The following ISM1 variants were observed in gnomAD, a reference collection of about 807,000 sequenced individuals.
ISM1 encodes isthmin 1.
In ISM1, 25 loss-of-function variants were observed where a neutral mutation model predicts 46.3. That is an observed-to-expected ratio of 0.54 (90% CI 0.39 to 0.75). The LOEUF (loss-of-function observed/expected upper bound fraction) is 0.75, where lower values mean the gene tolerates loss of function less well. Ranked by LOEUF, ISM1 falls within the 30% of genes least tolerant of loss-of-function variation. ISM1 has a pLI of 0.00. For synonymous variants in ISM1, 255 were observed against 256.7 expected, an observed-to-expected ratio of 0.99 and a Z score of 0.06; for missense variants, 536 against 625.4, an observed-to-expected ratio of 0.86 and a Z score of 1.52.
rs562875951 is a variant in ISM1 at position 13,258,655 on chromosome 20, T to G, written c.139-11849T>G. Among the ~76,000 whole-genome samples, 7 of 152,280 alleles carry G rather than the reference T, an allele frequency of 4.6e-5. No individual in the cohort carries two copies. The East Asian group carries it at 1.2e-3, about 25-fold the overall frequency. ...TGATTCTCTTTTCTCGAACCTCAGT[T>G]AACTGAGGTTCTCATGGTAGAATTC... On this transcript the variant is annotated intron_variant, in intron 1 of 5. Coordinates refer to ENST00000262487, the MANE Select transcript of ISM1 (RefSeq NM_080826.2).
chr20:13,297,330 G>T (rs913383128), intron 5 of ISM1, among the ~76,000 whole-genome samples: 14 of 152,186 alleles, frequency 9.2e-5, no homozygotes, highest in Admixed American at 7.9e-4. Context: ...CGGTTTCCCA[G>T]ATCCCAGTGG....
chr20:13,308,458 T>C, the ISM1 span, among the ~76,000 whole-genome samples: 2 of 152,190 alleles, frequency 1.3e-5, no homozygotes, highest in African/African-American at 4.8e-5. Context: ...GTGTTATGAA[T>C]TGAACAGTAC....
intron 2 of ISM1, among the ~76,000 whole-genome samples, chr20:13,274,933 G>A (rs2040161017): frequency 6.6e-6 from 1 of 152,028 alleles, no homozygotes; most frequent in Non-Finnish European, 1.5e-5. Flanking sequence ...TAAGAGGTTG[G>A]GTTTTATCAA....
At chr20:13,278,287 A>G (rs1274923596) in intron 2 of ISM1, among the ~76,000 whole-genome samples, 1 of 152,188 alleles carries the variant, frequency 6.6e-6, no homozygotes, top group Non-Finnish European at 1.5e-5. Flanking sequence ...ATCTGAGAAC[A>G]AGTTCTAGCT....
intron 3 of ISM1, among the ~76,000 whole-genome samples, chr20:13,283,864 A>T (rs903934627): frequency 6.6e-6 from 1 of 152,170 alleles, no homozygotes; most frequent in African/African-American, 2.4e-5. Context: ...ATTTTTTTTC[A>T]GTGGTTTTCC....
intron 2 of ISM1, among the ~76,000 whole-genome samples, chr20:13,273,511 T>C (rs1314166436): frequency 6.6e-6 from 1 of 152,148 alleles, no homozygotes; most frequent in African/African-American, 2.4e-5. Flanking sequence ...GCGGGGATTA[T>C]AGACATGAGT....
chr20:13,325,561 T>C, the ISM1 span, among the ~76,000 whole-genome samples: 1 of 152,244 alleles, frequency 6.6e-6, no homozygotes, highest in Non-Finnish European at 1.5e-5. Flanking sequence ...AGTTACCTAG[T>C]TGTCCCCAGA....
At chr20:13,282,673 T>A (rs952515656) in intron 3 of ISM1, among the ~76,000 whole-genome samples, 1 of 152,202 alleles carries the variant, frequency 6.6e-6, no homozygotes, top group Non-Finnish European at 1.5e-5. Flanking sequence ...ATCTTCCCCA[T>A]CATTAGACTG....
the ISM1 span, among the ~76,000 whole-genome samples, chr20:13,306,497 G>A: frequency 8.4e-6 from 1 of 118,642 alleles, no homozygotes; most frequent in Non-Finnish European, 1.7e-5. Context: ...TTTTGGTGGT[G>A]TTTTTTGTTT....
At chr20:13,227,926 G>A (rs2039545862) in intron 1 of ISM1, among the ~76,000 whole-genome samples, 1 of 148,204 alleles carries the variant, frequency 6.7e-6, no homozygotes, top group South Asian at 2.2e-4. Flanking sequence ...TTAATTCTAA[G>A]ATTTACTTAT....
the ISM1 span, among the ~76,000 whole-genome samples, chr20:13,321,112 T>C: frequency 6.6e-6 from 1 of 151,746 alleles, no homozygotes; most frequent in East Asian, 1.9e-4. Flanking sequence ...GGCATGAGAA[T>C]CGTTTGAACC....
intron 2 of ISM1, among the ~76,000 whole-genome samples, chr20:13,279,024 G>A (rs532204706): frequency 6.6e-6 from 1 of 152,264 alleles, no homozygotes; most frequent in East Asian, 1.9e-4. Flanking sequence ...CATTCTGCTG[G>A]ACAGAGTGAA....
intron 1 of ISM1, among the ~76,000 whole-genome samples, chr20:13,252,712 A>C (rs2039881259): frequency 6.6e-6 from 1 of 151,982 alleles, no homozygotes; most frequent in Non-Finnish European, 1.5e-5. Flanking sequence ...CCAAGACTGC[A>C]CCACTTGCAC....
At position 13,299,160 on chromosome 20, in the gene ISM1, C is replaced by G. The variant is rs762592220; in HGVS notation, c.1096C>G (p.Arg366Gly). ...GCTGGAGATCTACAAGCCCACTGCC[C>G]GGTACTGCATCCGCTCCATGCTGTC... ...EKLEIYKPTA[R>G]YCIRSMLSLE... Residue 366 changes from arginine (R) to glycine (G), a missense_variant, in exon 6 of 6, where the codon CGG becomes GGG. This residue lies in a region of ISM1 where 169 missense variants were observed against 249.3 expected (regional missense o/e 0.68). Coordinates refer to ENST00000262487, the MANE Select transcript of ISM1 (RefSeq NM_080826.2). The surrounding 1 kb of genome is among the most constrained non-coding windows in gnomAD (Gnocchi z 5.8). 5 of 1,610,656 alleles carry G rather than the reference C, an allele frequency of 3.1e-6. No individual in the cohort carries two copies. In the Admixed American group the frequency reaches 8.4e-5, roughly 27 times the overall value.
chr20:13,262,465 CT>C (rs536983518), intron 1 of ISM1, among the ~76,000 whole-genome samples: 242 of 144,664 alleles, frequency 1.7e-3, no homozygotes, highest in Middle Eastern at 3.6e-3. Flanking sequence ...TTTTCTTTTT[CT>C]TTTTTTTTTT....
chr20:13,310,584 G>C, the ISM1 span, among the ~76,000 whole-genome samples: 1 of 152,112 alleles, frequency 6.6e-6, no homozygotes, highest in Non-Finnish European at 1.5e-5. Flanking sequence ...TTGCATCAAA[G>C]GAAAAAGGTT....
intron 2 of ISM1, among the ~76,000 whole-genome samples, chr20:13,274,691 C>A (rs1020163155): frequency 6.6e-6 from 1 of 151,176 alleles, no homozygotes; most frequent in Non-Finnish European, 1.5e-5. Context: ...GCCCGGCCCC[C>A]GGGCCTCTTG....
At chr20:13,269,632 G>T (rs1486794843) in intron 1 of ISM1, among the ~76,000 whole-genome samples, 1 of 152,016 alleles carries the variant, frequency 6.6e-6, no homozygotes, top group African/African-American at 2.4e-5. Context: ...CCAGATTATG[G>T]CAGGGTGCCA....
At chr20:13,273,725 G>A (rs2123262258) in intron 2 of ISM1, among the ~76,000 whole-genome samples, 1 of 152,290 alleles carries the variant, frequency 6.6e-6, no homozygotes, top group South Asian at 2.1e-4. Flanking sequence ...AAAAATTAAT[G>A]CGGCTCCAGC....
Sources: allele counts gnomAD v4.1 joint callset (sites outside exome capture counted in the v4.1 genomes callset), GRCh38; gene constraint gnomAD v4.1.1; regional missense constraint gnomAD v4.1.1; non-coding constraint Gnocchi (gnomAD v3.1); transcripts MANE v1.5; gene names NCBI Gene and HGNC (gene_info 2026-07-23, HGNC 2026-07-21).